Variants in EFCAB11 observed in about 807,000 individuals in gnomAD.
EFCAB11 encodes the protein EF-hand calcium binding domain 11, also known as EF-hand calcium-binding domain-containing protein 11.
Under a neutral mutation model 23.0 loss-of-function variants are expected in EFCAB11, and 14 were observed. The observed-to-expected ratio is 0.61, with a 90% confidence interval of 0.40 to 0.95. The LOEUF (loss-of-function observed/expected upper bound fraction) is 0.95, where lower values mean the gene tolerates loss of function less well. EFCAB11 is among the 40% of genes least tolerant of loss of function. EFCAB11 has a pLI of 0.00. For missense variants in EFCAB11, 198 were observed against 195.8 expected (o/e 1.01, Z -0.07); for synonymous variants, 65 against 66.6 (o/e 0.98, Z 0.11).
At chr14:89,952,555 C>G in intron 2 of EFCAB11, 1 of 985,464 alleles carries the variant, frequency 1.0e-6, no homozygotes, top group Non-Finnish European at 1.2e-6. Context: ...TTCTCAGTAA[C>G]TAGGCAGCCC....
intron 3 of EFCAB11, among the ~76,000 whole-genome samples, chr14:89,942,945 G>A (rs963062242): frequency 1.3e-5 from 2 of 152,166 alleles, no homozygotes; most frequent in African/African-American, 4.8e-5. Flanking sequence ...GGGCATCCAG[G>A]TTTAGGTATA....
chr14:89,866,050 GC>G (rs1180301925), intron 5 of EFCAB11, among the ~76,000 whole-genome samples: 2 of 152,068 alleles, frequency 1.3e-5, no homozygotes, highest in Non-Finnish European at 2.9e-5. Flanking sequence ...CTTCCAAAGT[GC>G]CGGGATTACA....
chr14:89,798,783 T>C (rs1037380774), intron 5 of EFCAB11, among the ~76,000 whole-genome samples: 1 of 152,192 alleles, frequency 6.6e-6, no homozygotes, highest in African/African-American at 2.4e-5. Flanking sequence ...CTCATTGTTA[T>C]TGTATTAACT....
chr14:89,946,573 A>G (rs1429432614), intron 3 of EFCAB11, among the ~76,000 whole-genome samples: 1 of 151,434 alleles, frequency 6.6e-6, no homozygotes, highest in African/African-American at 2.4e-5. Context: ...CTTCTGTTGA[A>G]TTAATTAAGT....
At chr14:89,874,755 C>T (rs992002442) in intron 5 of EFCAB11, among the ~76,000 whole-genome samples, 2 of 152,008 alleles carry the variant, frequency 1.3e-5, no homozygotes, top group African/African-American at 4.8e-5. Flanking sequence ...AGCCGGGCGC[C>T]GTGGCAGGCC....
rs75536397 is a variant in EFCAB11, at chr14:89,926,691, T to C, written c.410+4850A>G. Among the ~76,000 whole-genome samples the C allele has an allele frequency of 2.8e-3, 423 of 152,322 alleles. 1 individual carries two copies. Among genetic ancestry groups the C allele is most frequent in the African/African-American group, 9.0e-3 (374 of 41,576 alleles). On this transcript the variant is annotated intron_variant, in intron 5 of 5. Transcript: ENST00000316738. ...GGACTTCCAAAATAGGCATAACCAA[T>C]GTTCTCAAAGAAAAAGAATGTGACT...
At chr14:89,797,392 AGAAT>A in intron 5 of EFCAB11, 68 bp from the exon 6 acceptor site, 8 of 1,406,754 alleles carry the variant, frequency 5.7e-6, no homozygotes, top group Non-Finnish European at 7.9e-6. Context: ...AGAGCACATT[AGAAT>A]CTTTATTTAT....
chr14:89,878,031 T>C (rs1888492376), intron 5 of EFCAB11, among the ~76,000 whole-genome samples: 1 of 152,230 alleles, frequency 6.6e-6, no homozygotes, highest in East Asian at 1.9e-4. Context: ...AATCTGTACC[T>C]TTCTTCCAAC....
chr14:89,830,810 A>G (rs1886858440), intron 5 of EFCAB11: 1 of 152,202 alleles, frequency 6.6e-6, no homozygotes, highest in South Asian at 2.1e-4. Context: ...AGTGCTATAC[A>G]CTCATAATTG....
chr14:89,890,611 T>C (rs1888934869), intron 5 of EFCAB11, among the ~76,000 whole-genome samples: 1 of 152,140 alleles, frequency 6.6e-6, no homozygotes, highest in Admixed American at 6.6e-5. Context: ...AACTCCCCAC[T>C]GCAAAAAACT....
chr14:89,922,731 C>T (rs1239816098), intron 5 of EFCAB11, among the ~76,000 whole-genome samples: 2 of 152,012 alleles, frequency 1.3e-5, no homozygotes, highest in African/African-American at 4.8e-5. Context: ...ATGATGAATA[C>T]CCTACTATGC....
At chr14:89,934,621 G>A (rs566505933) in intron 3 of EFCAB11, among the ~76,000 whole-genome samples, 5 of 151,364 alleles carry the variant, frequency 3.3e-5, no homozygotes, top group Non-Finnish European at 7.4e-5. Context: ...TCAATCATAC[G>A]TACTGTAGCA....
At chr14:89,845,102 A>C (rs1307998786) in intron 5 of EFCAB11, among the ~76,000 whole-genome samples, 2 of 152,226 alleles carry the variant, frequency 1.3e-5, no homozygotes, top group Admixed American at 6.5e-5. Context: ...TTACTCTTGC[A>C]AATAGGGGTT....
At chr14:89,923,331 G>C (rs1890079525) in intron 5 of EFCAB11, 1 of 152,116 alleles carries the variant, frequency 6.6e-6, no homozygotes, top group Non-Finnish European at 1.5e-5. Flanking sequence ...ATCCCTAGAA[G>C]TCCCTCAGAG....
intron 5 of EFCAB11, among the ~76,000 whole-genome samples, chr14:89,874,475 G>C (rs1194803745): frequency 2.0e-5 from 3 of 152,152 alleles, no homozygotes; most frequent in Admixed American, 2.0e-4. Context: ...CCCAGAAAAT[G>C]GGTTTTTCTT....
At chr14:89,926,530 A>G (rs1202229982) in intron 5 of EFCAB11, among the ~76,000 whole-genome samples, 5 of 152,244 alleles carry the variant, frequency 3.3e-5, no homozygotes, top group Non-Finnish European at 7.3e-5. Flanking sequence ...AAGTAAAACC[A>G]AAACAGAAAA....
At chr14:89,898,749 G>A (rs996204573) in intron 5 of EFCAB11, among the ~76,000 whole-genome samples, 1 of 145,726 alleles carries the variant, frequency 6.9e-6, no homozygotes, top group East Asian at 2.1e-4. Context: ...GTAGCTCACT[G>A]AAACCTCCAA....
At chr14:89,947,674 T>C (rs1346900565) in intron 3 of EFCAB11, among the ~76,000 whole-genome samples, 1 of 152,200 alleles carries the variant, frequency 6.6e-6, no homozygotes, top group Non-Finnish European at 1.5e-5. Context: ...CTCTTGGCTT[T>C]TGATCAAACA....
intron 5 of EFCAB11, among the ~76,000 whole-genome samples, chr14:89,808,618 T>C (rs1001553682): frequency 2.0e-5 from 3 of 152,212 alleles, no homozygotes; most frequent in African/African-American, 7.2e-5. Flanking sequence ...TTATTTATGT[T>C]TTCATTTACA....
Sources: allele counts gnomAD v4.1 joint callset (sites outside exome capture counted in the v4.1 genomes callset), GRCh38; gene constraint gnomAD v4.1.1; transcripts MANE v1.5; gene names NCBI Gene and HGNC (gene_info 2026-07-23, HGNC 2026-07-21).